The following LARS1 variants were observed in gnomAD, a reference collection of about 807,000 sequenced individuals.
LARS1 encodes leucine--tRNA ligase, cytoplasmic.
In LARS1, 100 loss-of-function variants were observed where a neutral mutation model predicts 162.8. The observed-to-expected ratio is 0.61, with a 90% CI of 0.52 to 0.73. The LOEUF (loss-of-function observed/expected upper bound fraction) is 0.73. LARS1 is among the 30% of genes least tolerant of loss of function. The pLI, the probability that LARS1 is intolerant of heterozygous loss-of-function variation, is 0.00. For synonymous variants in LARS1, 457 were observed against 462.8 expected, an observed-to-expected ratio of 0.99 and a Z score of 0.16; for missense variants, 1,258 against 1,408.9, an observed-to-expected ratio of 0.89 and a Z score of 1.71.
chr5:146,114,406 T>C, intron 31 of LARS1, 95 bp from the exon 32 acceptor site: 1 of 943,040 alleles, frequency 1.1e-6, no homozygotes, highest in South Asian at 1.5e-5. Context: ...CGCTGGTTGT[T>C]ATATCTAAAC....
chr5:146,127,329 G>A (rs1413824156), intron 27 of LARS1, among the ~76,000 whole-genome samples: 1 of 151,992 alleles, frequency 6.6e-6, no homozygotes, highest in Non-Finnish European at 1.5e-5. Context: ...AAGAAAAAGG[G>A]TGGGAAACAC....
Position 146,157,764 on chromosome 5 carries a change from T to G in LARS1, c.803A>C (p.Lys268Thr), listed in dbSNP as rs1322755183. The G allele has an allele frequency of 3.1e-6, 5 of 1,614,132 alleles. No individual in the cohort carries two copies. Among genetic ancestry groups the G allele is most frequent in the Non-Finnish European group, 4.2e-6 (5 of 1,180,000 alleles). ...GVGPQEYTLL[K>T]LKVLEPYPSK... ...TGGGTATGGCTCAAGCACCTTCAAT[T>G]TGAGTAAAGTATATTCCTGAGGTCC... is the stretch of plus-strand genomic sequence containing the variant. Residue 268 changes from lysine (K) to threonine (T), a missense_variant, in exon 9 of 32, where the codon AAA becomes ACA. By Grantham distance (78) the Lys-to-Thr change is moderately conservative. Coordinates refer to ENST00000394434, the MANE Select transcript of LARS1 (RefSeq NM_020117.11).
chr5:146,181,914 T>A (rs1041210279), intron 1 of LARS1, among the ~76,000 whole-genome samples: 7 of 134,206 alleles, frequency 5.2e-5, no homozygotes, highest in Admixed American at 4.8e-4. Context: ...TACTCCTCTC[T>A]CCACCTCGGC....
chr5:146,173,145 C>A (rs1323157563), intron 2 of LARS1, among the ~76,000 whole-genome samples: 1 of 151,960 alleles, frequency 6.6e-6, no homozygotes, highest in Non-Finnish European at 1.5e-5. Context: ...GCCAGGAGTT[C>A]GAGACCAGCC....
Position 146,130,007 on chromosome 5 carries a change from C to A in LARS1, c.2628+11G>T, listed in dbSNP as rs1185673063. 1 of 1,596,618 alleles carries A rather than the reference C, an allele frequency of 6.3e-7. No individual in the cohort carries two copies. Among genetic ancestry groups the A allele is most frequent in the East Asian group, 2.2e-5 (1 of 44,628 alleles). On this transcript the variant is annotated intron_variant, in intron 25 of 31. Coordinates refer to ENST00000394434, the MANE Select transcript of LARS1 (RefSeq NM_020117.11). ...AAAACCACTCGAAACATTTTAAATGCATGAAGGTACCTTTCCCAGGAGTGT... is the reference window on the plus strand; with the variant it reads ...AAAACCACTCGAAACATTTTAAATGAATGAAGGTACCTTTCCCAGGAGTGT...
At chr5:146,142,762 A>G (rs1581038496) in intron 20 of LARS1, 110 bp downstream of exon 20, 1 of 804,692 alleles carries the variant, frequency 1.2e-6, no homozygotes, top group East Asian at 2.7e-5. Context: ...AAAGAATGTA[A>G]CTGGCAAATC....
At chr5:146,179,866 G>A (rs1176998669) in intron 1 of LARS1, among the ~76,000 whole-genome samples, 1 of 152,230 alleles carries the variant, frequency 6.6e-6, no homozygotes, top group East Asian at 1.9e-4. Flanking sequence ...GCTTTCCAAA[G>A]TGCTGACATT....
intron 31 of LARS1, among the ~76,000 whole-genome samples, chr5:146,117,550 C>CA (rs1361814193): frequency 6.6e-6 from 1 of 152,182 alleles, no homozygotes; most frequent in Non-Finnish European, 1.5e-5. Flanking sequence ...ATGGAGGTTG[C>CA]AGTGAGCTGA....
intron 1 of LARS1, among the ~76,000 whole-genome samples, chr5:146,181,387 A>T (rs1754833349): frequency 6.6e-6 from 1 of 151,418 alleles, no homozygotes. Flanking sequence ...AAAACAAAAA[A>T]AAATAAAACC....
chr5:146,135,747 C>A, intron 21 of LARS1, 83 bp from the exon 22 acceptor site: 1 of 914,170 alleles, frequency 1.1e-6, no homozygotes, highest in Admixed American at 2.9e-5. Context: ...ACTAGGTTGG[C>A]CATGACCAGA....
At chr5:146,115,122 AC>A (rs1764151360) in intron 31 of LARS1, among the ~76,000 whole-genome samples, 1 of 150,996 alleles carries the variant, frequency 6.6e-6, no homozygotes, top group Admixed American at 6.6e-5. Context: ...TTCAGCTTTT[AC>A]CCAGCTCAAA....
At chr5:146,181,515 G>A (rs2126621187) in intron 1 of LARS1, among the ~76,000 whole-genome samples, 1 of 152,206 alleles carries the variant, frequency 6.6e-6, no homozygotes, top group Non-Finnish European at 1.5e-5. Context: ...TTAGCAGGGT[G>A]TAATGGAGCA....
At chr5:146,139,062 G>T in intron 21 of LARS1, 1 of 255,264 alleles carries the variant, frequency 3.9e-6, no homozygotes, top group Non-Finnish European at 7.7e-6. Flanking sequence ...AAAAAAAATG[G>T]CCGAGTGCAG....
At chr5:146,124,155 A>C (rs1751950606) in intron 28 of LARS1, 69 bp from the exon 29 acceptor site, 4 of 929,296 alleles carry the variant, frequency 4.3e-6, no homozygotes, top group Non-Finnish European at 7.0e-6. Flanking sequence ...ACTTCCTCCA[A>C]AGTAATCATT....
chr5:146,182,234 C>T (rs1561505383), intron 1 of LARS1: 6 of 546,150 alleles, frequency 1.1e-5, no homozygotes, highest in East Asian at 9.3e-5. Flanking sequence ...GGCCACCGTG[C>T]CCGGCTCTCC....
chr5:146,171,964 T>C lies in LARS1; in HGVS notation c.240A>G (p.Lys80=). Residue 80 remains lysine (K), a synonymous_variant, in exon 4 of 32, where the codon AAA becomes AAG. Transcript: ENST00000394434. ...CAAAGGGAAACAGACAACATTTTCC[T>C]TTCAATCGCTGGTACCCTACAGCAA... ...CEFAVGYQRL[K]GKCCLFPFGL... is the part of the protein sequence containing the mutation. The C allele has an allele frequency of 6.2e-7, 1 of 1,613,936 alleles. No individual in the cohort carries two copies. Among genetic ancestry groups the C allele is most frequent in the Non-Finnish European group, 8.5e-7 (1 of 1,179,862 alleles).
At position 146,171,915 on chromosome 5, in the gene LARS1, T is replaced by G; in HGVS notation, c.289A>C (p.Ile97Leu). 1 of 1,611,670 alleles carries G rather than the reference T, an allele frequency of 6.2e-7. No homozygotes were observed. The highest frequency in any genetic ancestry group is 8.5e-7 in the Non-Finnish European group (1 of 1,178,458). The change falls in exon 4 of 32, where the codon ATT becomes CTT. Residue 97 changes from isoleucine to leucine, a missense_variant. Coordinates refer to ENST00000394434, the MANE Select transcript of LARS1 (RefSeq NM_020117.11). ...PFGLHCTGMP[I>L]KACADKLKRE... ...AATCCTATTAGCGATCTTACCTTAA[T>G]AGGCATTCCAGTACAGTGCAGGCCA...
chr5:146,163,002 GT>G (rs1448651348), intron 6 of LARS1, among the ~76,000 whole-genome samples: 1 of 152,126 alleles, frequency 6.6e-6, no homozygotes, highest in Non-Finnish European at 1.5e-5. Context: ...TAGAGACAGG[GT>G]TTCCCCAGGT....
At chr5:146,176,924 A>C (rs538732288) in intron 2 of LARS1, among the ~76,000 whole-genome samples, 3 of 152,322 alleles carry the variant, frequency 2.0e-5, no homozygotes, top group African/African-American at 7.2e-5. Context: ...TTTATCAGTC[A>C]GCAAAGAAAA....
Sources: allele counts gnomAD v4.1 joint callset (sites outside exome capture counted in the v4.1 genomes callset), GRCh38; gene constraint gnomAD v4.1.1; transcripts MANE v1.5; gene names NCBI Gene and HGNC (gene_info 2026-07-23, HGNC 2026-07-21).